The following CDHR1 variants were observed in gnomAD, a reference collection of about 807,000 sequenced individuals.
The protein encoded by CDHR1 is cadherin-related family member 1.
In CDHR1, 61 loss-of-function variants were observed where a neutral mutation model predicts 72.1. The observed-to-expected ratio is 0.85, with a 90% confidence interval of 0.69 to 1.05. CDHR1 has a LOEUF of 1.05. Ranked by LOEUF, CDHR1 falls within the 50% of genes least tolerant of loss-of-function variation. CDHR1 has a pLI of 0.00. For synonymous variants in CDHR1, 470 were observed against 448.1 expected (o/e 1.05, Z -0.62); for missense variants, 1,186 against 1,115.7 (o/e 1.06, Z -0.90).
chr10:84,197,699 C>T (rs1330716428), intron 3 of CDHR1, 87 bp from the exon 4 acceptor site: 16 of 1,219,934 alleles, frequency 1.3e-5, no homozygotes, highest in South Asian at 2.4e-5. Context: ...CTGATGGGTG[C>T]GTGGGGCAGG....
Position 84,213,135 on chromosome 10 carries a change from T to G in CDHR1, c.1827T>G (p.Tyr609Ter). Reference protein sequence around the residue: ...DAEEPNNLVDYSITHAEPANV... With the variant: ...DAEEPNNLVD The stretch of plus-strand genomic sequence containing the variant: ...AGGAACCCAACAACCTGGTGGACTA[T>G]TCCATCACCCATGCAGAGCCCGCCA... Residue 609 changes from tyrosine (Y) to a stop codon, truncating the protein, a stop_gained, in exon 16 of 17, where the codon TAT becomes TAG. Transcript: ENST00000623527. LOFTEE classifies it high-confidence loss of function. The G allele has an allele frequency of 6.2e-7, 1 of 1,614,182 alleles. No individual in the cohort carries two copies. The highest frequency in any genetic ancestry group is 8.5e-7 in the Non-Finnish European group (1 of 1,180,018).
At position 84,203,093 on chromosome 10, in the gene CDHR1, C is replaced by T. The variant is rs1381977007; in HGVS notation, c.753C>T (p.Tyr251=). Residue 251 remains tyrosine, a synonymous_variant, in exon 8 of 17, where the codon TAC becomes TAT. Coordinates refer to ENST00000623527, the MANE Select transcript of CDHR1 (RefSeq NM_033100.4). Reference sequence around the variant, plus strand: ...CCCCTGTCTTCGTGGGCACACCCTACTATGGCTATGTGTACGAGGACACCC... The same window carrying T: ...CCCCTGTCTTCGTGGGCACACCCTATTATGGCTATGTGTACGAGGACACCC... ...DMAPVFVGTP[Y]YGYVYEDTLP... 3 of 1,614,124 alleles carry T rather than the reference C, an allele frequency of 1.9e-6. No homozygotes were observed. The highest frequency in any genetic ancestry group is 1.7e-5 in the Admixed American group (1 of 60,010).
chr10:84,217,620 CAA>C lies in CDHR1; in HGVS notation c.*3000_*3001del. 8 of 985,462 alleles carry C rather than the reference CAA, an allele frequency of 8.1e-6. No individual in the cohort carries two copies. Among genetic ancestry groups the C allele is most frequent in the Non-Finnish European group, 9.6e-6 (8 of 829,934 alleles). 61.0% of individuals were successfully genotyped at this position (985,462 alleles called of 1,614,324 possible). The stretch of plus-strand genomic sequence containing the variant: ...AGCACCGGCTTTGTATCTACTTACA[CAA>C]GCTCAGTAGACACTTGCCGTGACTG... On this transcript the variant is annotated 3_prime_UTR_variant, in exon 17 of 17. Coordinates refer to ENST00000623527, the MANE Select transcript of CDHR1 (RefSeq NM_033100.4).
chr10:84,198,054 T>C (rs1201280010), intron 4 of CDHR1, among the ~76,000 whole-genome samples: 3 of 152,230 alleles, frequency 2.0e-5, no homozygotes, highest in Non-Finnish European at 4.4e-5. Context: ...CTCTCTGAGC[T>C]GAGCTTCTAA....
intron 7 of CDHR1, among the ~76,000 whole-genome samples, chr10:84,202,730 T>A (rs995499125): frequency 6.6e-6 from 1 of 152,246 alleles, no homozygotes; most frequent in African/African-American, 2.4e-5. Flanking sequence ...CCCCCTCTCC[T>A]GCCACTCATC....
chr10:84,207,500 A>T (rs11598743), intron 10 of CDHR1, among the ~76,000 whole-genome samples: 28,411 of 152,134 alleles, frequency 0.19, 2,835 homozygotes, highest in Middle Eastern at 0.26. Flanking sequence ...TTAGGATACA[A>T]AAGACCAGAG....
At position 84,212,185 on chromosome 10, in the gene CDHR1, GATCCACCC is replaced by G; in HGVS notation, c.1567_1574del (p.Pro523TrpfsTer10). On this transcript the variant is annotated frameshift_variant, in exon 15 of 17. Transcript: ENST00000623527. LOFTEE classifies it high-confidence loss of function. ...TATGTGCTCTGCCTGGCAGCTTCCTGATCCACCCATCCACTGGGCTTATCTACACCCAG... is the reference window on the plus strand; with the variant it reads ...TATGTGCTCTGCCTGGCAGCTTCCTGATCCACTGGGCTTATCTACACCCAG... 6.2e-7 allele frequency: 1 copy of G among 1,614,048 alleles called. No homozygotes were observed.
Position 84,214,417 on chromosome 10 carries a change from G to C in CDHR1, c.2376G>C (p.Pro792=). Residue 792 remains proline (P), a synonymous_variant, in exon 17 of 17, where the codon CCG becomes CCC. Coordinates refer to ENST00000623527, the MANE Select transcript of CDHR1 (RefSeq NM_033100.4). ...SPESSLLPRA[P]ALPPPPSVAP... ...AAAGCTCTCTGCTCCCGAGAGCTCC[G>C]GCTCTCCCTCCACCACCCAGCGTGG... 1 of 1,613,544 alleles carries C rather than the reference G, an allele frequency of 6.2e-7. No individual in the cohort carries two copies. Among genetic ancestry groups the C allele is most frequent in the Non-Finnish European group, 8.5e-7 (1 of 1,180,020 alleles).
In CDHR1 at chr10:84,196,798, CT is replaced by C. The variant is rs1479883762; in HGVS notation, c.297+149del. 12 of 889,772 alleles carry C rather than the reference CT, an allele frequency of 1.3e-5. No homozygotes were observed. In the Admixed American group the frequency reaches 2.2e-4, roughly 17 times the overall value. The allele number at this position is 889,772 out of a possible 1,614,324, so 55.1% of individuals were successfully genotyped here. A position where few individuals can be genotyped will look rare whatever the true frequency, so the allele number is the denominator to read the frequency against. On this transcript the variant is annotated intron_variant, in intron 3 of 16. Coordinates refer to ENST00000623527, the MANE Select transcript of CDHR1 (RefSeq NM_033100.4). ...CCCAGGCACATCCACTCTGTGAGAT[CT>C]CTGGGCCACTTCCCATCAGCAGAGT...
intron 4 of CDHR1, 107 bp from the exon 5 acceptor site, chr10:84,198,924 GA>G: frequency 1.2e-6 from 1 of 814,288 alleles, no homozygotes. Flanking sequence ...GAGAGAGAGA[GA>G]GGAGGGATGG....
In CDHR1 at chr10:84,215,523, A is replaced by G. The variant is rs1842412409; in HGVS notation, c.*902A>G. On this transcript the variant is annotated 3_prime_UTR_variant, in exon 17 of 17. Coordinates refer to ENST00000623527, the MANE Select transcript of CDHR1 (RefSeq NM_033100.4). Reference sequence around the variant, plus strand: ...CCGTTTTTATCCAGCTCTTTTGCTCACATCGCGTAACCTTGGGAAAGCTGT... The same window carrying G: ...CCGTTTTTATCCAGCTCTTTTGCTCGCATCGCGTAACCTTGGGAAAGCTGT... The G allele has an allele frequency of 1.1e-6, 1 of 941,276 alleles. No homozygotes were observed. Among genetic ancestry groups the G allele is most frequent in the Non-Finnish European group, 1.3e-6 (1 of 789,754 alleles). 58.3% of individuals were successfully genotyped at this position (941,276 alleles called of 1,614,324 possible).
In CDHR1 at chr10:84,211,633, C is replaced by A; in HGVS notation, c.1486-15C>A. 1 of 1,613,410 alleles carries A rather than the reference C, an allele frequency of 6.2e-7. No homozygotes were observed. Among genetic ancestry groups the A allele is most frequent in the Non-Finnish European group, 8.5e-7 (1 of 1,179,312 alleles). On this transcript the variant is annotated splice_polypyrimidine_tract_variant and intron_variant, in intron 13 of 16. Coordinates refer to ENST00000623527, the MANE Select transcript of CDHR1 (RefSeq NM_033100.4). ...ACAAAGAGGCACGTGCCACCCAGGG[C>A]TCTTTCTCTTCCAGGCTGTGGATCC... is the stretch of plus-strand genomic sequence containing the variant.
At chr10:84,210,892 G>A (rs558471351) in intron 12 of CDHR1, 109 bp from the exon 13 acceptor site, 37 of 1,243,888 alleles carry the variant, frequency 3.0e-5, no homozygotes, top group South Asian at 2.8e-4. Context: ...GAGGAAGATC[G>A]GGAGACACGG....
chr10:84,204,566 C>T lies in CDHR1; in HGVS notation c.823C>T (p.Arg275Trp), dbSNP rs200640039. 1.4e-5 allele frequency: 22 copies of T among 1,613,624 alleles called. No individual in the cohort carries two copies. The highest frequency in any genetic ancestry group is 1.0e-4 in the Admixed American group (6 of 59,986). ...GAAGGTGGTCGCCATGGATGGAGACCGGGGCAAACCCAATCGAATTCTCTA... is the reference window on the plus strand; with the variant it reads ...GAAGGTGGTCGCCATGGATGGAGACTGGGGCAAACCCAATCGAATTCTCTA... The part of the protein sequence containing the change: ...VLKVVAMDGD[R>W]GKPNRILYSL... The change falls in exon 9 of 17, where the codon CGG becomes TGG. Residue 275 changes from arginine (R) to tryptophan (W), a missense_variant. Arg to Trp is a moderately radical substitution (Grantham distance 101, BLOSUM62 -3). Coordinates refer to ENST00000623527, the MANE Select transcript of CDHR1 (RefSeq NM_033100.4).
chr10:84,211,577 C>T (rs1842331902), intron 13 of CDHR1, 71 bp from the exon 14 acceptor site: 6 of 1,395,682 alleles, frequency 4.3e-6, no homozygotes, highest in Non-Finnish European at 3.1e-6. Context: ...GAAAGCAACC[C>T]TCAGGGCATG....
rs1842013207 is a variant in CDHR1, at chr10:84,195,514, C to T, written c.76C>T (p.His26Tyr). 6.2e-7 allele frequency: 1 copy of T among 1,614,134 alleles called. No individual in the cohort carries two copies. Among genetic ancestry groups the T allele is most frequent in the Non-Finnish European group, 8.5e-7 (1 of 1,179,990 alleles). ...TCCAGCTCAGGCCAACTTCGCCCCGCACTTCTTCGACAACGGGGTCGGCAG... is the reference window on the plus strand; with the variant it reads ...TCCAGCTCAGGCCAACTTCGCCCCGTACTTCTTCGACAACGGGGTCGGCAG... ...LCLAQANFAPHFFDNGVGSTN... is the reference protein window; with the variant it reads ...LCLAQANFAPYFFDNGVGSTN... Residue 26 changes from histidine to tyrosine, a missense_variant, in exon 2 of 17, where the codon CAC (histidine) becomes TAC (tyrosine). Transcript: ENST00000623527.
Position 84,214,261 on chromosome 10 carries a change from C to G in CDHR1, c.2220C>G (p.Leu740=). Residue 740 remains leucine, a synonymous_variant, in exon 17 of 17, where the codon CTC becomes CTG. Coordinates refer to ENST00000623527, the MANE Select transcript of CDHR1 (RefSeq NM_033100.4). The part of the protein sequence containing the change: ...SNKVLPMRRV[L]RKRPSPAPRT... ...AGGTCCTGCCAATGCGGCGGGTGCT[C>G]CGCAAGCGGCCCAGCCCTGCGCCCC... 2.5e-6 allele frequency: 4 copies of G among 1,613,468 alleles called. No individual in the cohort carries two copies. The highest frequency in any genetic ancestry group is 3.4e-6 in the Non-Finnish European group (4 of 1,180,006).
intron 14 of CDHR1, 132 bp from the exon 15 acceptor site, chr10:84,212,047 G>A (rs1842341417): frequency 1.4e-5 from 11 of 801,020 alleles, no homozygotes; most frequent in South Asian, 1.2e-4. Flanking sequence ...GAGGGAGCAG[G>A]TAGGACACTT....
intron 1 of CDHR1, 84 bp from the exon 2 acceptor site, chr10:84,195,410 C>A (rs1296651442): frequency 7.8e-7 from 1 of 1,286,980 alleles, no homozygotes; most frequent in Admixed American, 1.9e-5. Context: ...GGGCCTGACG[C>A]GGGACCGCGC....
Sources: gnomAD v4.1 joint callset for allele counts (sites outside exome capture counted in the v4.1 genomes callset) on GRCh38, gnomAD v4.1.1 for gene constraint, MANE v1.5 for transcripts, NCBI Gene and HGNC (gene_info 2026-07-23, HGNC 2026-07-21) for gene names.